Variants in UPK3A observed in about 807,000 individuals in gnomAD.
The protein encoded by UPK3A is uroplakin-3a.
In UPK3A, 32 loss-of-function variants were observed where a neutral mutation model predicts 27.6. The observed-to-expected ratio is 1.16, with a 90% CI of 0.87 to 1.55. The LOEUF (loss-of-function observed/expected upper bound fraction) is 1.55. Among genes scored for constraint, UPK3A ranks in the 40% most tolerant of loss-of-function variants. The pLI is 0.00. For missense variants in UPK3A, 370 were observed against 367.9 expected (o/e 1.01, Z -0.05); for synonymous variants, 171 against 163.9 (o/e 1.04, Z -0.33).
At chr22:45,286,210 A>T (rs2084117165) in intron 2 of UPK3A, 114 bp downstream of exon 2, 2 of 1,382,514 alleles carry the variant, frequency 1.4e-6, no homozygotes, top group Non-Finnish European at 2.0e-6. Context: ...CTCATTAAAC[A>T]GGTACTGCAG....
chr22:45,295,510 T>G, intron 5 of UPK3A, 50 bp from the exon 6 acceptor site: 1 of 1,610,468 alleles, frequency 6.2e-7, no homozygotes, highest in South Asian at 1.1e-5. Flanking sequence ...TAAAGGCATT[T>G]GGGTTTGCTC....
At chr22:45,293,151 G>T in intron 4 of UPK3A, 30 bp from the exon 5 acceptor site, 1 of 1,612,178 alleles carries the variant, frequency 6.2e-7, no homozygotes, top group African/African-American at 1.3e-5. Context: ...TGCGGTGTCT[G>T]GGAAGTAACC....
At position 45,295,615 on chromosome 22, in the gene UPK3A, G is replaced by C; in HGVS notation, c.760G>C (p.Ala254Pro). The change falls in exon 6 of 6, where the codon GCT (alanine) becomes CCT (proline). Residue 254 changes from alanine to proline, a missense_variant. By Grantham distance (27) the Ala-to-Pro change is conservative. Coordinates refer to ENST00000216211, the MANE Select transcript of UPK3A (RefSeq NM_006953.4). ...TTHDSQITQE[A>P]VPKSLGASES... ...TCACGACTCCCAAATCACTCAGGAG[G>C]CTGTTCCCAAGTCGCTGGGGGCCTC... is the stretch of plus-strand genomic sequence containing the variant. 1.2e-6 allele frequency: 2 copies of C among 1,614,070 alleles called. No individual in the cohort carries two copies. Among genetic ancestry groups the C allele is most frequent in the Middle Eastern group, 1.7e-4 (1 of 6,056 alleles).
intron 1 of UPK3A, 90 bp downstream of exon 1, chr22:45,285,155 C>A: frequency 2.4e-6 from 3 of 1,224,844 alleles, no homozygotes; most frequent in Non-Finnish European, 2.3e-6. Flanking sequence ...TGATTCCTGG[C>A]GCTGGGGACC....
Position 45,289,123 on chromosome 22 carries a change from A to T in UPK3A, c.551A>T (p.Asp184Val), listed in dbSNP as rs759549778. The change falls in exon 4 of 6, where the codon GAC becomes GTC. Residue 184 changes from aspartate to valine, a missense_variant. Transcript: ENST00000216211. ...GTAGAGGACCAGACCCTGTGGTCAG[A>T]CCCCATCCGCACCAACCAGCGTAAG... ...GLVEDQTLWS[D>V]PIRTNQLTPY... 2 of 1,613,758 alleles carry T rather than the reference A, an allele frequency of 1.2e-6. No homozygotes were observed. Among genetic ancestry groups the T allele is most frequent in the African/African-American group, 1.3e-5 (1 of 74,892 alleles).
Position 45,295,827 on chromosome 22 carries a change from C to T in UPK3A, c.*108C>T. 1.5e-6 allele frequency: 2 copies of T among 1,330,998 alleles called. No homozygotes were observed. The highest frequency in any genetic ancestry group is 2.1e-6 in the Non-Finnish European group (2 of 946,434). 82.4% of individuals were successfully genotyped at this position (1,330,998 alleles called of 1,614,324 possible). On this transcript the variant is annotated 3_prime_UTR_variant, in exon 6 of 6. Transcript: ENST00000216211. ...TCAGGGAAGGTGAAACAGGGCTTGT[C>T]CCTCCAACTGCAGGAAAACCCTTAA...
chr22:45,287,453 T>G lies in UPK3A; in HGVS notation c.488+2T>G, dbSNP rs1057524150. 3 of 1,588,384 alleles carry G rather than the reference T, an allele frequency of 1.9e-6. No homozygotes were observed. In the African/African-American group the frequency reaches 4.0e-5, roughly 21 times the overall value. ...CCTGTCGGCAGCCACGGAGTACAGG[T>G]GGGTGTAAACAAACCACTACAGGAG... On this transcript the variant is annotated splice_donor_variant, in intron 3 of 5. Transcript: ENST00000216211. LOFTEE classifies it high-confidence loss of function.
At chr22:45,286,491 C>T (rs963494010) in intron 2 of UPK3A, among the ~76,000 whole-genome samples, 7 of 152,110 alleles carry the variant, frequency 4.6e-5, no homozygotes, top group Non-Finnish European at 8.8e-5. Flanking sequence ...CCTGAGGCTT[C>T]GAAAGGTGGC....
chr22:45,290,773 G>T (rs149389117), intron 4 of UPK3A, among the ~76,000 whole-genome samples: 9 of 152,160 alleles, frequency 5.9e-5, no homozygotes, highest in African/African-American at 2.2e-4. Context: ...CCTGTAGCTC[G>T]CATTACTGCC....
intron 4 of UPK3A, among the ~76,000 whole-genome samples, chr22:45,291,888 G>A (rs1462897833): frequency 1.3e-5 from 2 of 150,908 alleles, no homozygotes; most frequent in South Asian, 2.1e-4. Flanking sequence ...GTGTGGCAGG[G>A]CGTGTGAGTT....
chr22:45,289,193 C>T lies in UPK3A; in HGVS notation c.571+50C>T, dbSNP rs139584274. The T allele has an allele frequency of 3.3e-3, 5,303 of 1,588,980 alleles. 201 individuals are homozygous for T. The East Asian group carries it at 0.093, about 28-fold the overall frequency. ...TGATGCTCAAGGGGACCCGAGAAGG[C>T]GGGGCCAGCCACGGCGGTGAGAACC... On this transcript the variant is annotated intron_variant, in intron 4 of 5. Transcript: ENST00000216211.
intron 4 of UPK3A, among the ~76,000 whole-genome samples, chr22:45,289,941 C>T (rs189670726): frequency 5.3e-5 from 8 of 152,268 alleles, no homozygotes; most frequent in East Asian, 3.9e-4. Flanking sequence ...CTCAAAGGCA[C>T]GCGGAGCTGA....
chr22:45,293,045 A>G (rs550543247), intron 4 of UPK3A, 136 bp from the exon 5 acceptor site: 3 of 1,286,570 alleles, frequency 2.3e-6, no homozygotes, highest in Non-Finnish European at 3.3e-6. Context: ...AAAACCTGAG[A>G]GAAGTCGCCC....
chr22:45,289,690 G>A (rs2084146618), intron 4 of UPK3A, among the ~76,000 whole-genome samples: 1 of 151,452 alleles, frequency 6.6e-6, no homozygotes. Flanking sequence ...GGAGTCAGAG[G>A]TTGCAGTGAG....
chr22:45,285,822 G>T lies in UPK3A; in HGVS notation c.53-119G>T, dbSNP rs1042063214. 8 of 1,424,286 alleles carry T rather than the reference G, an allele frequency of 5.6e-6. No individual in the cohort carries two copies. In the African/African-American group the frequency reaches 1.1e-4, roughly 20 times the overall value. 88.2% of individuals were successfully genotyped at this position (1,424,286 alleles called of 1,614,324 possible). ...CAGTGTCTGAGACAGCTTATGCGGT[G>T]GCCCAGGGGGAGGGTGAAGCCCAGG... On this transcript the variant is annotated intron_variant, in intron 1 of 5. Coordinates refer to ENST00000216211, the MANE Select transcript of UPK3A (RefSeq NM_006953.4).
intron 5 of UPK3A, among the ~76,000 whole-genome samples, chr22:45,294,968 C>T (rs1408086784): frequency 6.6e-6 from 1 of 151,122 alleles, no homozygotes; most frequent in Admixed American, 6.6e-5. Context: ...CAGGTTCAAG[C>T]GATACTCCTG....
intron 4 of UPK3A, among the ~76,000 whole-genome samples, chr22:45,291,732 G>C (rs987343879): frequency 2.1e-4 from 31 of 146,970 alleles, no homozygotes; most frequent in African/African-American, 7.6e-4. Context: ...GGTATGCGTG[G>C]TGTGTGTAAC....
intron 3 of UPK3A, among the ~76,000 whole-genome samples, chr22:45,288,415 G>T (rs886546437): frequency 1.4e-4 from 21 of 152,248 alleles, no homozygotes; most frequent in African/African-American, 4.8e-4. Context: ...AGCCAGAATG[G>T]TCTCGATCTC....
In UPK3A at chr22:45,286,065, C is replaced by T. The variant is rs373727286; in HGVS notation, c.177C>T (p.His59=). ...GCAAAGAGGCCCTCACTGGCACCCA[C>T]GAGGTCTACCTGTATGTCCTGGTCG... ...FDSKEALTGT[H]EVYLYVLVDS... The change falls in exon 2 of 6, where the codon CAC becomes CAT. Residue 59 remains histidine, a synonymous_variant. Coordinates refer to ENST00000216211, the MANE Select transcript of UPK3A (RefSeq NM_006953.4). 22 of 1,614,052 alleles carry T rather than the reference C, an allele frequency of 1.4e-5. No homozygotes were observed. The highest frequency in any genetic ancestry group is 1.6e-4 in the Middle Eastern group (1 of 6,084).
Sources: gnomAD v4.1 joint callset for allele counts (sites outside exome capture counted in the v4.1 genomes callset) on GRCh38, gnomAD v4.1.1 for gene constraint, MANE v1.5 for transcripts, NCBI Gene and HGNC (gene_info 2026-07-23, HGNC 2026-07-21) for gene names.